TRDMT1: variants seen among roughly 807,000 people sequenced by gnomAD.
TRDMT1 encodes tRNA (cytosine(38)-C(5))-methyltransferase.
A neutral mutation model predicts 51.2 loss-of-function variants in TRDMT1; 49 were observed. The ratio of observed to expected loss-of-function variants is 0.96; its 90% confidence interval spans 0.76 to 1.21. TRDMT1 has a LOEUF of 1.21. Among genes scored for constraint, TRDMT1 ranks in the 50% most tolerant of loss-of-function variants. TRDMT1 has a pLI of 0.00. For missense variants in TRDMT1, 534 were observed against 462.3 expected (o/e 1.16, Z -1.42); for synonymous variants, 187 against 164.6 (o/e 1.14, Z -1.04).
intron 10 of TRDMT1, chr10:17,151,498 G>A (rs1056158063): frequency 3.1e-6 from 3 of 983,370 alleles, no homozygotes; most frequent in African/African-American, 1.8e-5. Flanking sequence ...TTGGACCCAG[G>A]GTCAATAATG....
In TRDMT1 at chr10:17,148,208, G is replaced by C. The variant is rs373692539; in HGVS notation, c.*832C>G. ...TATGTTGCTACAATAAAGAACAACT[G>C]GGGGGAGGGGAGTACTGTCATATGA... On this transcript the variant is annotated 3_prime_UTR_variant, in exon 11 of 11. Coordinates refer to ENST00000377799, the MANE Select transcript of TRDMT1 (RefSeq NM_004412.7). 10 of 985,136 alleles carry C rather than the reference G, an allele frequency of 1.0e-5. No homozygotes were observed. The highest frequency in any genetic ancestry group is 7.0e-5 in the African/African-American group (4 of 57,204). The allele number at this position is 985,136 out of a possible 1,614,324, so 61.0% of individuals were successfully genotyped here.
intron 1 of TRDMT1, among the ~76,000 whole-genome samples, chr10:17,183,083 A>C (rs1240540653): frequency 6.6e-6 from 1 of 152,236 alleles, no homozygotes; most frequent in Non-Finnish European, 1.5e-5. Flanking sequence ...ATGTTCGCTA[A>C]GGAAAATTGT....
intron 1 of TRDMT1, among the ~76,000 whole-genome samples, chr10:17,183,061 C>T (rs1843467360): frequency 6.6e-6 from 1 of 152,092 alleles, no homozygotes; most frequent in South Asian, 2.1e-4. Context: ...CCTAGTTATA[C>T]TACATCTGGA....
At chr10:17,192,950 C>T (rs1286388255) in intron 1 of TRDMT1, among the ~76,000 whole-genome samples, 2 of 152,194 alleles carry the variant, frequency 1.3e-5, no homozygotes, top group Non-Finnish European at 2.9e-5. Flanking sequence ...CAACATCATA[C>T]TGAGTGGGCA....
chr10:17,141,100 A>G lies in TRDMT1; in HGVS notation c.*7940T>C, dbSNP rs1313229966. ...CCTCATGGTTTTGGATGAGACATCT[A>G]CTGTCATCCAAATTGTGTCCCCCGC... On this transcript the variant is annotated 3_prime_UTR_variant, in exon 11 of 11. Coordinates refer to ENST00000377799, the MANE Select transcript of TRDMT1 (RefSeq NM_004412.7). Among the ~76,000 whole-genome samples the G allele has an allele frequency of 2.0e-5, 3 of 152,240 alleles. No individual in the cohort carries two copies. The highest frequency in any genetic ancestry group is 4.4e-5 in the Non-Finnish European group (3 of 68,034).
intron 1 of TRDMT1, among the ~76,000 whole-genome samples, chr10:17,185,269 C>T (rs555643701): frequency 3.3e-5 from 5 of 152,090 alleles, no homozygotes; most frequent in South Asian, 2.1e-4. Context: ...ATCGTCAGTG[C>T]GGCACTTCTC....
In TRDMT1 at chr10:17,144,799, C is replaced by CA. The variant is rs927700975; in HGVS notation, c.*4240dup. On this transcript the variant is annotated 3_prime_UTR_variant, in exon 11 of 11. Coordinates refer to ENST00000377799, the MANE Select transcript of TRDMT1 (RefSeq NM_004412.7). ...AAACGGAAGCTAGAAACAACAACAACAAAAAATACTTTTTCTTTTTTTTTT... is the reference window on the plus strand; with the variant it reads ...AAACGGAAGCTAGAAACAACAACAACAAAAAAATACTTTTTCTTTTTTTTTT... 79 of 983,960 alleles carry CA rather than the reference C, an allele frequency of 8.0e-5. No homozygotes were observed. Among genetic ancestry groups the CA allele is most frequent in the Middle Eastern group, 5.2e-4 (1 of 1,934 alleles). 61.0% of individuals were successfully genotyped at this position (983,960 alleles called of 1,614,324 possible).
intron 2 of TRDMT1, chr10:17,169,349 G>C (rs190718322): frequency 3.3e-6 from 4 of 1,214,746 alleles, no homozygotes; most frequent in Admixed American, 3.1e-5. Context: ...GTGATATGCA[G>C]ACCAGTCACC....
intron 1 of TRDMT1, among the ~76,000 whole-genome samples, chr10:17,200,025 T>C (rs1845944591): frequency 6.6e-6 from 1 of 152,182 alleles, no homozygotes; most frequent in African/African-American, 2.4e-5. Flanking sequence ...CTCAAAAATC[T>C]CTGAAAAGCA....
Position 17,143,368 on chromosome 10 carries a change from C to T in TRDMT1, c.*5672G>A, listed in dbSNP as rs942290036. 5 of 985,322 alleles carry T rather than the reference C, an allele frequency of 5.1e-6. No homozygotes were observed. The highest frequency in any genetic ancestry group is 5.2e-4 in the Middle Eastern group (1 of 1,936). 61.0% of individuals were successfully genotyped at this position (985,322 alleles called of 1,614,324 possible). A position where few individuals can be genotyped will look rare whatever the true frequency, so the allele number is the denominator to read the frequency against. ...CATGAAACATTTTCCATTTTTAAAA[C>T]TCAGATCGTAACAGCTATTCAGCTT... On this transcript the variant is annotated 3_prime_UTR_variant, in exon 11 of 11. Coordinates refer to ENST00000377799, the MANE Select transcript of TRDMT1 (RefSeq NM_004412.7).
At chr10:17,181,911 T>C (rs530219503) in intron 1 of TRDMT1, among the ~76,000 whole-genome samples, 21 of 152,204 alleles carry the variant, frequency 1.4e-4, no homozygotes, top group Non-Finnish European at 2.1e-4. Context: ...CAGATTTTCT[T>C]TGGGGGAAAC....
intron 2 of TRDMT1, among the ~76,000 whole-genome samples, chr10:17,174,091 A>G (rs1291811700): frequency 6.6e-6 from 1 of 152,178 alleles, no homozygotes; most frequent in Non-Finnish European, 1.5e-5. Flanking sequence ...AAATAACTCA[A>G]CATAAATCAG....
At chr10:17,181,520 A>G (rs1185863371) in intron 1 of TRDMT1, among the ~76,000 whole-genome samples, 2 of 152,218 alleles carry the variant, frequency 1.3e-5, no homozygotes, top group African/African-American at 4.8e-5. Context: ...GAATAAGTGA[A>G]TTATACTTCC....
Position 17,144,424 on chromosome 10 carries a change from T to A in TRDMT1, c.*4616A>T, listed in dbSNP as rs987381911. On this transcript the variant is annotated 3_prime_UTR_variant, in exon 11 of 11. Transcript: ENST00000377799. ...GTTCTATGGGAGAACTCAGTTCCTA[T>A]CTTGTAATTTTTGTGAAAATTTCCG... 2 of 985,474 alleles carry A rather than the reference T, an allele frequency of 2.0e-6. No individual in the cohort carries two copies. Among genetic ancestry groups the A allele is most frequent in the African/African-American group, 3.5e-5 (2 of 57,238 alleles). The allele number at this position is 985,474 out of a possible 1,614,324, so 61.0% of individuals were successfully genotyped here. A position where few individuals can be genotyped will look rare whatever the true frequency, so the allele number is the denominator to read the frequency against.
At chr10:17,200,042 T>C (rs1207538245) in intron 1 of TRDMT1, among the ~76,000 whole-genome samples, 2 of 152,248 alleles carry the variant, frequency 1.3e-5, no homozygotes, top group African/African-American at 4.8e-5. Flanking sequence ...AGCAATTTGC[T>C]ATCCTCTCTC....
At position 17,147,274 on chromosome 10, in the gene TRDMT1, T is replaced by C. The variant is rs1838200817; in HGVS notation, c.*1766A>G. 1.0e-6 allele frequency: 1 copy of C among 985,710 alleles called. No individual in the cohort carries two copies. Among genetic ancestry groups the C allele is most frequent in the Non-Finnish European group, 1.2e-6 (1 of 829,894 alleles). The allele number at this position is 985,710 out of a possible 1,614,324, so 61.1% of individuals were successfully genotyped here. A position where few individuals can be genotyped will look rare whatever the true frequency, so the allele number is the denominator to read the frequency against. ...TTGTAATAGGCTCTGTCTGAACACA[T>C]ATGAAAAATGTAGATAGTGATAGTT... On this transcript the variant is annotated 3_prime_UTR_variant, in exon 11 of 11. Coordinates refer to ENST00000377799, the MANE Select transcript of TRDMT1 (RefSeq NM_004412.7).
Position 17,145,277 on chromosome 10 carries a change from C to CAAAACAAAACAAAACAAAACAAAACA in TRDMT1, c.*3762_*3763insTGTTTTGTTTTGTTTTGTTTTGTTTT. On this transcript the variant is annotated 3_prime_UTR_variant, in exon 11 of 11. Transcript: ENST00000377799. ...CAAAACAAAACAAAACAAAACAAAA[C>CAAAACAAAACAAAACAAAACAAAACA]AAAAAAAACAGCAAAGGGAAACTCT... The CAAAACAAAACAAAACAAAACAAAACA allele has an allele frequency of 1.2e-6, 1 of 868,840 alleles. No homozygotes were observed. The highest frequency in any genetic ancestry group is 5.9e-4 in the Middle Eastern group (1 of 1,706). 53.8% of individuals were successfully genotyped at this position (868,840 alleles called of 1,614,324 possible). A position where few individuals can be genotyped will look rare whatever the true frequency, so the allele number is the denominator to read the frequency against.
intron 9 of TRDMT1, among the ~76,000 whole-genome samples, chr10:17,153,972 A>G (rs979444492): frequency 6.6e-6 from 1 of 152,222 alleles, no homozygotes; most frequent in African/African-American, 2.4e-5. Flanking sequence ...ACAAAACAAC[A>G]AAGTCAATTT....
At chr10:17,151,917 TG>T in intron 10 of TRDMT1, 1 of 1,134,178 alleles carries the variant, frequency 8.8e-7, no homozygotes. Context: ...ACGGTTAAGG[TG>T]GGGCTGGGAT....
Sources: allele counts gnomAD v4.1 joint callset (sites outside exome capture counted in the v4.1 genomes callset), GRCh38; gene constraint gnomAD v4.1.1; transcripts MANE v1.5; gene names NCBI Gene and HGNC (gene_info 2026-07-23, HGNC 2026-07-21).